Variants in ADAMTS2 observed in about 807,000 individuals in gnomAD.
ADAMTS2 encodes A disintegrin and metalloproteinase with thrombospondin motifs 2.
A neutral mutation model predicts 123.0 loss-of-function variants in ADAMTS2; 50 were observed. That is an observed-to-expected ratio of 0.41 (90% CI 0.32 to 0.51). ADAMTS2 has a LOEUF of 0.51. Ranked by LOEUF, ADAMTS2 falls within the 20% of genes least tolerant of loss-of-function variation. The pLI is 0.35. For synonymous variants in ADAMTS2, 678 were observed against 695.4 expected (o/e 0.98, Z 0.39); for missense variants, 1,494 against 1,705.2 (o/e 0.88, Z 2.18).
chr5:179,138,067 T>C (rs1238263165), intron 11 of ADAMTS2, 123 bp from the exon 12 acceptor site: 3 of 1,129,280 alleles, frequency 2.7e-6, no homozygotes, highest in Non-Finnish European at 3.8e-6. Context: ...GCAGCTCTGC[T>C]GAGCAAAGGG....
chr5:179,159,163 G>A (rs555972102), intron 5 of ADAMTS2, among the ~76,000 whole-genome samples: 43 of 152,296 alleles, frequency 2.8e-4, no homozygotes, highest in Non-Finnish European at 5.6e-4. Context: ...CTAAGGCCTC[G>A]CATAGTCCCA....
chr5:179,132,701 T>C lies in ADAMTS2; in HGVS notation c.2209+76A>G. 1 of 1,600,678 alleles carries C rather than the reference T, an allele frequency of 6.2e-7. No individual in the cohort carries two copies. Among genetic ancestry groups the C allele is most frequent in the East Asian group, 2.2e-5 (1 of 44,500 alleles). ...TAAGCCCGGACAGCCCCAGGATGAGTCAGGCCCTCAGCTGTCCGGGCATGA... is the reference window on the plus strand; with the variant it reads ...TAAGCCCGGACAGCCCCAGGATGAGCCAGGCCCTCAGCTGTCCGGGCATGA... On this transcript the variant is annotated intron_variant, in intron 14 of 21. Coordinates refer to ENST00000251582, the MANE Select transcript of ADAMTS2 (RefSeq NM_014244.5). The surrounding 1 kb of genome is among the most constrained non-coding windows in gnomAD (Gnocchi z 6.1).
chr5:179,258,932 G>T (rs1294815606), intron 3 of ADAMTS2, among the ~76,000 whole-genome samples: 1 of 152,192 alleles, frequency 6.6e-6, no homozygotes, highest in Non-Finnish European at 1.5e-5. Flanking sequence ...ATGGCGCTGA[G>T]GGGCTGATCC....
At chr5:179,340,545 T>C (rs879764266) in intron 2 of ADAMTS2, among the ~76,000 whole-genome samples, 1 of 152,226 alleles carries the variant, frequency 6.6e-6, no homozygotes, top group Non-Finnish European at 1.5e-5. Flanking sequence ...TTTGTAGGCA[T>C]GCAGGAAAAG....
intron 5 of ADAMTS2, among the ~76,000 whole-genome samples, chr5:179,164,218 C>G (rs1471728425): frequency 2.0e-5 from 3 of 152,192 alleles, no homozygotes; most frequent in Non-Finnish European, 4.4e-5. Context: ...ACAGAGGAGC[C>G]CAGGGGCAGA....
intron 2 of ADAMTS2, among the ~76,000 whole-genome samples, chr5:179,298,089 C>G (rs577070944): frequency 1.3e-5 from 2 of 152,148 alleles, no homozygotes; most frequent in African/African-American, 2.4e-5. Context: ...AGGCCAGGGT[C>G]CCCTCGTGCC....
intron 3 of ADAMTS2, among the ~76,000 whole-genome samples, chr5:179,254,214 G>C (rs1312546624): frequency 6.6e-6 from 1 of 152,148 alleles, no homozygotes; most frequent in Non-Finnish European, 1.5e-5. Flanking sequence ...TCATGTCGCT[G>C]GGCATATGAT....
Position 179,137,875 on chromosome 5 carries a change from G to A in ADAMTS2, c.1845C>T (p.Cys615=). 1 of 1,559,762 alleles carries A rather than the reference G, an allele frequency of 6.4e-7. No individual in the cohort carries two copies. Among genetic ancestry groups the A allele is most frequent in the Non-Finnish European group, 8.7e-7 (1 of 1,153,182 alleles). Residue 615 remains cysteine, a synonymous_variant, in exon 12 of 22, where the codon TGC becomes TGT. Transcript: ENST00000251582. ...YDFQLCSRQD[C]PDSLADFREE... The stretch of plus-strand genomic sequence containing the variant: ...CGCGGAAGTCAGCCAGGGAGTCGGG[G>A]CAGTCCTGGCGGCTGCAGAGCTGGA...
At chr5:179,209,042 C>T (rs1484652882) in intron 3 of ADAMTS2, among the ~76,000 whole-genome samples, 1 of 152,232 alleles carries the variant, frequency 6.6e-6, no homozygotes, top group Non-Finnish European at 1.5e-5. Flanking sequence ...CAGGGACAGG[C>T]ACTCCCTCCC....
At chr5:179,171,018 C>T (rs1763805117) in intron 5 of ADAMTS2, among the ~76,000 whole-genome samples, 1 of 152,202 alleles carries the variant, frequency 6.6e-6, no homozygotes, top group Admixed American at 6.5e-5. Flanking sequence ...AAACTAGAAA[C>T]TTTTATAGCA....
chr5:179,240,976 T>A (rs1027586766), intron 3 of ADAMTS2, among the ~76,000 whole-genome samples: 1 of 152,184 alleles, frequency 6.6e-6, no homozygotes, highest in Non-Finnish European at 1.5e-5. Flanking sequence ...TACAAGGGAT[T>A]TCCGGTCTTG....
intron 3 of ADAMTS2, among the ~76,000 whole-genome samples, chr5:179,252,408 CTCTT>C (rs1260331811): frequency 1.2e-4 from 19 of 152,128 alleles, no homozygotes; most frequent in African/African-American, 4.6e-4. Context: ...GGAAATTTAT[CTCTT>C]TAATTTTTAG....
chr5:179,186,168 G>A (rs1207043390), intron 4 of ADAMTS2, among the ~76,000 whole-genome samples: 1 of 152,090 alleles, frequency 6.6e-6, no homozygotes. Context: ...TCCTGCTCCG[G>A]AGCCCTCAAC....
chr5:179,213,379 C>T (rs1440909235), intron 3 of ADAMTS2, among the ~76,000 whole-genome samples: 1 of 152,214 alleles, frequency 6.6e-6, no homozygotes, highest in East Asian at 1.9e-4. Flanking sequence ...AACTGACTTT[C>T]CCTCTCAGAT....
chr5:179,190,100 T>TGCAGGTCACAGGGGATATGATG (rs1257888242), intron 4 of ADAMTS2, among the ~76,000 whole-genome samples: 3 of 152,194 alleles, frequency 2.0e-5, no homozygotes, highest in African/African-American at 7.2e-5. Flanking sequence ...GATGTATATG[T>TGCAGGTCACAGGGGATATGATG]GCAGGTCACA....
At chr5:179,278,277 C>T (rs1034662257) in intron 2 of ADAMTS2, among the ~76,000 whole-genome samples, 1 of 150,894 alleles carries the variant, frequency 6.6e-6, no homozygotes, top group East Asian at 2.0e-4. Context: ...AAGTGGAGAT[C>T]ATTTTATTCC....
chr5:179,157,850 T>C (rs1041356220), intron 6 of ADAMTS2, among the ~76,000 whole-genome samples: 2 of 152,364 alleles, frequency 1.3e-5, no homozygotes, highest in Admixed American at 6.5e-5. Context: ...CAGATATAAA[T>C]CCTTTTTTAT....
intron 2 of ADAMTS2, among the ~76,000 whole-genome samples, chr5:179,334,423 T>C (rs1195715484): frequency 1.3e-5 from 2 of 152,344 alleles, no homozygotes; most frequent in East Asian, 3.9e-4. Flanking sequence ...ACACATTTTA[T>C]CTTGATTTCA....
At chr5:179,335,288 T>G (rs868667704) in intron 2 of ADAMTS2, among the ~76,000 whole-genome samples, 1 of 152,212 alleles carries the variant, frequency 6.6e-6, no homozygotes, top group Non-Finnish European at 1.5e-5. Flanking sequence ...AATATTACCA[T>G]TTCAACCTGT....
Sources: gnomAD v4.1 joint callset for allele counts (sites outside exome capture counted in the v4.1 genomes callset) on GRCh38, gnomAD v4.1.1 for gene constraint, Gnocchi (gnomAD v3.1) non-coding constraint, MANE v1.5 for transcripts, NCBI Gene and HGNC (gene_info 2026-07-23, HGNC 2026-07-21) for gene names.